Variants in FHIT observed in about 807,000 individuals in gnomAD.
FHIT encodes fragile histidine triad diadenosine triphosphatase.
FHIT carries 19 observed loss-of-function variants against 17.9 expected under a neutral mutation model. The observed-to-expected ratio is 1.06, with a 90% CI of 0.74 to 1.56. The LOEUF (loss-of-function observed/expected upper bound fraction) is 1.56. Among genes scored for constraint, FHIT ranks in the 40% most tolerant of loss-of-function variants. FHIT has a pLI of 0.00. For missense variants in FHIT, 248 were observed against 189.2 expected (o/e 1.31, Z -1.82); for synonymous variants, 81 against 69.7 (o/e 1.16, Z -0.81).
chr3:59,926,897 T>A (rs556065687), intron 7 of FHIT, among the ~76,000 whole-genome samples: 1 of 152,298 alleles, frequency 6.6e-6, no homozygotes, highest in Non-Finnish European at 1.5e-5. Context: ...ACACAGTTAC[T>A]TTGGAAAACA....
intron 5 of FHIT, among the ~76,000 whole-genome samples, chr3:60,247,715 T>G (rs560029644): frequency 6.6e-6 from 1 of 152,120 alleles, no homozygotes; most frequent in African/African-American, 2.4e-5. Context: ...GTGCCACAGC[T>G]TGCCACTTGC....
chr3:59,766,700 C>T (rs1444715848), intron 8 of FHIT, among the ~76,000 whole-genome samples: 3 of 152,226 alleles, frequency 2.0e-5, no homozygotes, highest in Non-Finnish European at 4.4e-5. Context: ...TTGATTCCCA[C>T]ACCAAGAAGG....
At chr3:59,763,900 C>T (rs1339435528) in intron 8 of FHIT, among the ~76,000 whole-genome samples, 5 of 152,122 alleles carry the variant, frequency 3.3e-5, no homozygotes, top group Admixed American at 2.0e-4. Context: ...GCACTGGAGG[C>T]GAAAGGGCTA....
chr3:60,889,776 AG>A (rs1553760231), intron 3 of FHIT, among the ~76,000 whole-genome samples: 1 of 152,222 alleles, frequency 6.6e-6, no homozygotes, highest in Non-Finnish European at 1.5e-5. Context: ...AATCAAAGCC[AG>A]GAATCAAAAG....
chr3:60,585,574 A>G (rs551331459), intron 4 of FHIT, among the ~76,000 whole-genome samples: 1 of 152,204 alleles, frequency 6.6e-6, no homozygotes, highest in African/African-American at 2.4e-5. Context: ...AAGACCTATC[A>G]ATACTGAGTC....
intron 4 of FHIT, among the ~76,000 whole-genome samples, chr3:60,789,975 T>C (rs1171487403): frequency 6.6e-6 from 1 of 152,192 alleles, no homozygotes; most frequent in Non-Finnish European, 1.5e-5. Flanking sequence ...AGGTCACTTG[T>C]GGTAAAAGAT....
At chr3:60,659,571 T>C (rs1398877817) in intron 4 of FHIT, among the ~76,000 whole-genome samples, 1 of 152,214 alleles carries the variant, frequency 6.6e-6, no homozygotes, top group African/African-American at 2.4e-5. Context: ...CAGTGAATTT[T>C]TCATTTCAGT....
At chr3:60,196,883 CTT>C (rs1702669038) in intron 5 of FHIT, among the ~76,000 whole-genome samples, 1 of 151,908 alleles carries the variant, frequency 6.6e-6, no homozygotes, top group Admixed American at 6.6e-5. Context: ...CTTTGCTATG[CTT>C]TTGTGTGGGC....
chr3:60,729,542 C>T (rs1434278318), intron 4 of FHIT, among the ~76,000 whole-genome samples: 1 of 152,032 alleles, frequency 6.6e-6, no homozygotes, highest in Non-Finnish European at 1.5e-5. Flanking sequence ...TACACCCAAG[C>T]CAGAGAGCTC....
At chr3:60,955,610 A>ACATG (rs1333228900) in intron 3 of FHIT, among the ~76,000 whole-genome samples, 3 of 13,126 alleles carry the variant, frequency 2.3e-4, no homozygotes, top group Non-Finnish European at 3.6e-4. Context: ...ATATATATAT[A>ACATG]TATATATATA....
At chr3:60,359,031 A>C (rs1034602057) in intron 5 of FHIT, among the ~76,000 whole-genome samples, 8 of 152,146 alleles carry the variant, frequency 5.3e-5, no homozygotes, top group Non-Finnish European at 1.5e-5. Flanking sequence ...ATTAAGTCAG[A>C]TGTGGTATCC....
chr3:60,399,202 C>G (rs1317071930), intron 5 of FHIT, among the ~76,000 whole-genome samples: 3 of 152,130 alleles, frequency 2.0e-5, no homozygotes, highest in African/African-American at 7.2e-5. Flanking sequence ...ATCATATCTG[C>G]TTTATTAACT....
Position 60,430,070 on chromosome 3 carries a change from A to C in FHIT, c.103+106790T>G, listed in dbSNP as rs149727255. 5.3e-3 allele frequency among the ~76,000 whole-genome samples: 809 copies of C among 151,976 alleles called. 9 individuals are homozygous for C. The highest frequency in any genetic ancestry group is 0.019 in the African/African-American group (779 of 41,482). ...AGAAGAACATACACTTTCCAGGCAA[A>C]CACAAAGCCATGATCATGGCACCAA... On this transcript the variant is annotated intron_variant, in intron 5 of 9. Transcript: ENST00000492590.
intron 3 of FHIT, among the ~76,000 whole-genome samples, chr3:60,904,165 T>G (rs1337969299): frequency 6.6e-6 from 1 of 152,212 alleles, no homozygotes; most frequent in East Asian, 1.9e-4. Context: ...ATCCTTTCAG[T>G]TACTCAGTGA....
chr3:59,882,887 G>C (rs1703468195), intron 8 of FHIT, among the ~76,000 whole-genome samples: 1 of 152,150 alleles, frequency 6.6e-6, no homozygotes. Flanking sequence ...GCTGATAAAA[G>C]GCAAAGCTAA....
chr3:60,592,043 TACCCTTTAATG>T (rs2038102365), intron 4 of FHIT, among the ~76,000 whole-genome samples: 1 of 151,886 alleles, frequency 6.6e-6, no homozygotes, highest in Non-Finnish European at 1.5e-5. Flanking sequence ...ATTTCAAAAC[TACCCTTTAATG>T]AAAAGCTGTT....
chr3:60,056,966 C>T (rs796812710), intron 5 of FHIT, among the ~76,000 whole-genome samples: 3 of 152,266 alleles, frequency 2.0e-5, no homozygotes, highest in Admixed American at 6.5e-5. Flanking sequence ...ATCTTGCCAT[C>T]CCTGCCTGAA....
Position 60,536,874 on chromosome 3 carries a change from G to C in FHIT, c.89C>G (p.Pro30Arg). The C allele has an allele frequency of 6.2e-7, 1 of 1,607,162 alleles. No individual in the cohort carries two copies. Among genetic ancestry groups the C allele is most frequent in the Non-Finnish European group, 8.5e-7 (1 of 1,177,540 alleles). The change falls in exon 5 of 10, where the codon CCT becomes CGT. Residue 30 changes from proline to arginine, a missense_variant. Pro to Arg is a moderately radical substitution (Grantham distance 103). Coordinates refer to ENST00000492590, the MANE Select transcript of FHIT (RefSeq NM_002012.4). ...ELSFALVNRKPVVPGHVLVCP... is the reference protein window; with the variant it reads ...ELSFALVNRKRVVPGHVLVCP... ...AGAAAGGATACGTCCTGGTACCACAGGTTTCCTATTCACAAGAGCGAAGGA... is the reference window on the plus strand; with the variant it reads ...AGAAAGGATACGTCCTGGTACCACACGTTTCCTATTCACAAGAGCGAAGGA...
At chr3:61,201,560 A>C in intron 1 of FHIT, among the ~76,000 whole-genome samples, 1 of 152,038 alleles carries the variant, frequency 6.6e-6, no homozygotes, top group East Asian at 1.9e-4. Flanking sequence ...CAATATCTGA[A>C]GGGATTGTTT....
Sources: gnomAD v4.1 joint callset for allele counts (sites outside exome capture counted in the v4.1 genomes callset) on GRCh38, gnomAD v4.1.1 for gene constraint, MANE v1.5 for transcripts, NCBI Gene and HGNC (gene_info 2026-07-23, HGNC 2026-07-21) for gene names.